FGF13: variants seen among roughly 807,000 people sequenced by gnomAD.
The protein encoded by FGF13 is fibroblast growth factor homologous factor 2.
In FGF13, 2 loss-of-function variants were observed where a neutral mutation model predicts 19.5. That is an observed-to-expected ratio of 0.10 (90% confidence interval 0.04 to 0.32). The LOEUF (loss-of-function observed/expected upper bound fraction) is 0.32. Among genes scored for constraint, FGF13 ranks in the 10% least tolerant of loss-of-function variants. The probability of loss-of-function intolerance (pLI) is 1.00; values close to 1 mark genes in which losing one functional copy is unlikely to be tolerated. For synonymous variants in FGF13, 72 were observed against 76.9 expected (o/e 0.94, Z 0.33); for missense variants, 113 against 192.7 (o/e 0.59, Z 2.45).
At chrX:138,953,386 C>A (rs2091824365) in intron 1 of FGF13, among the ~76,000 whole-genome samples, 1 of 109,761 alleles carries the variant, frequency 9.1e-6, no homozygotes, top group Non-Finnish European at 1.9e-5. Context: ...AATGAGAACA[C>A]TTGGACACAG....
intron 2 of FGF13, among the ~76,000 whole-genome samples, chrX:138,703,553 T>G (rs1044033416): frequency 1.8e-5 from 2 of 112,142 alleles, no homozygotes; most frequent in African/African-American, 6.5e-5. Context: ...CACAGTCATA[T>G]TTAAAATCTA....
chrX:138,750,065 G>C (rs1314633957), intron 3 of FGF13, among the ~76,000 whole-genome samples: 1 of 111,491 alleles, frequency 9.0e-6, no homozygotes, highest in African/African-American at 3.3e-5. Flanking sequence ...TAGAGAAAAG[G>C]CAACAGAACA....
At chrX:138,763,148 A>C (rs2090479278) in intron 3 of FGF13, among the ~76,000 whole-genome samples, 1 of 110,851 alleles carries the variant, frequency 9.0e-6, no homozygotes, top group South Asian at 3.7e-4. Context: ...AAGATAATAC[A>C]TAGTTTATAT....
chrX:139,203,103 A>G (rs1267155903), intron 1 of FGF13, among the ~76,000 whole-genome samples: 2 of 112,133 alleles, frequency 1.8e-5, no homozygotes, highest in African/African-American at 6.5e-5. Flanking sequence ...TAGAACCGGC[A>G]AAGGGTGGGG....
At chrX:138,718,925 A>G (rs190880643) in intron 1 of FGF13, among the ~76,000 whole-genome samples, 1 of 112,398 alleles carries the variant, frequency 8.9e-6, no homozygotes, top group East Asian at 2.8e-4. Context: ...TATAACCTTA[A>G]TCCCTTTAAT....
At chrX:138,652,069 G>A (rs1331909457) in intron 3 of FGF13, among the ~76,000 whole-genome samples, 1 of 111,574 alleles carries the variant, frequency 9.0e-6, no homozygotes, top group African/African-American at 3.3e-5. Context: ...CCACTACTAC[G>A]TCTTTGATCT....
chrX:138,992,974 C>A (rs751064666), intron 1 of FGF13, among the ~76,000 whole-genome samples: 2 of 111,979 alleles, frequency 1.8e-5, no homozygotes, highest in African/African-American at 6.5e-5. Context: ...AAATTATGTA[C>A]CTCTTGATAT....
chrX:138,872,351 C>A (rs1446624740), intron 1 of FGF13, among the ~76,000 whole-genome samples: 1 of 111,941 alleles, frequency 8.9e-6, no homozygotes, highest in East Asian at 2.8e-4. Context: ...TGCACTAAAT[C>A]TATCTATGTA....
chrX:139,127,110 C>G (rs912609540), intron 1 of FGF13, among the ~76,000 whole-genome samples: 2 of 111,687 alleles, frequency 1.8e-5, no homozygotes, highest in African/African-American at 6.5e-5. Context: ...AAGCACCATA[C>G]CCAGGTGTTA....
intron 1 of FGF13, among the ~76,000 whole-genome samples, chrX:139,165,256 A>C (rs61129210): frequency 0.066 from 7,436 of 112,182 alleles, 523 homozygotes; most frequent in African/African-American, 0.22. Context: ...AATATCTAAG[A>C]AGCATAGCAT....
rs753541740 is a variant in FGF13 at position 139,129,154 on chromosome X, T to TACAC, written c.-113+74258_-113+74261dup. 7.1e-3 allele frequency among the ~76,000 whole-genome samples: 665 copies of TACAC among 93,026 alleles called. 5 individuals carry two copies. The highest frequency in any genetic ancestry group is 0.012 in the Non-Finnish European group (557 of 47,618). The allele number at this position is 93,026 out of a possible 115,157, so 80.8% of individuals were successfully genotyped here. ...ACACACATACACATACATACACACA[T>TACAC]ACACACACACACACACACACACACA... On this transcript the variant is annotated intron_variant, in intron 1 of 2. Transcript: ENST00000421460.
intron 1 of FGF13, among the ~76,000 whole-genome samples, chrX:139,113,753 G>C (rs886606281): frequency 1.8e-5 from 2 of 111,797 alleles, no homozygotes; most frequent in African/African-American, 6.5e-5. Context: ...AAGAGCACTG[G>C]AGTGGGAGGC....
chrX:139,126,430 G>A (rs182163381), intron 1 of FGF13, among the ~76,000 whole-genome samples: 21 of 111,043 alleles, frequency 1.9e-4, no homozygotes, highest in Non-Finnish European at 4.0e-4. Context: ...ATCAAAGTAC[G>A]AATCACACTG....
In FGF13 at chrX:138,622,301, A is replaced by C. The variant is rs1476617557; in HGVS notation, c.*10549T>G. 8.9e-6 allele frequency: 1 copy of C among 111,825 alleles called. No individual in the cohort carries two copies. Among genetic ancestry groups the C allele is most frequent in the Non-Finnish European group, 1.9e-5 (1 of 53,110 alleles). The allele number at this position is 111,825 out of a possible 1,213,427, so 9.2% of individuals were successfully genotyped here. A position where few individuals can be genotyped will look rare whatever the true frequency, so the allele number is the denominator to read the frequency against. The stretch of plus-strand genomic sequence containing the variant: ...CCCTGGGATAAAAGGATGGCTCAAC[A>C]TACTCAAATCAATAAATATGAACAA... On this transcript the variant is annotated 3_prime_UTR_variant, in exon 5 of 5. Coordinates refer to ENST00000315930, the MANE Select transcript of FGF13 (RefSeq NM_004114.5).
chrX:138,913,671 AGGAAGGAAG>A (rs1467215293), intron 1 of FGF13, among the ~76,000 whole-genome samples: 3 of 102,809 alleles, frequency 2.9e-5, no homozygotes, highest in African/African-American at 1.1e-4. Flanking sequence ...GAAGGAAGGA[AGGAAGGAAG>A]GAAGGAAGGA....
At chrX:138,690,921 C>A (rs2089832624) in intron 3 of FGF13, among the ~76,000 whole-genome samples, 1 of 111,502 alleles carries the variant, frequency 9.0e-6, no homozygotes, top group Non-Finnish European at 1.9e-5. Flanking sequence ...CTTATGTATA[C>A]TATAAATTCC....
At chrX:139,063,596 G>A (rs1357742072) in intron 1 of FGF13, among the ~76,000 whole-genome samples, 5 of 111,092 alleles carry the variant, frequency 4.5e-5, no homozygotes, top group Admixed American at 9.6e-5. Flanking sequence ...TTTATTTTTC[G>A]AAATTTATAG....
chrX:139,157,538 G>A lies in FGF13; in HGVS notation c.-113+45878C>T, dbSNP rs190739682. 3.1e-3 allele frequency among the ~76,000 whole-genome samples: 352 copies of A among 112,267 alleles called. 2 individuals are homozygous for A. Among genetic ancestry groups the A allele is most frequent in the African/African-American group, 0.01 (320 of 30,916 alleles). ...TCTTGTTCTTCCCTTCTTAACATGT[G>A]ATGCCCTTCACCATGTTGTGATGCA... On this transcript the variant is annotated intron_variant, in intron 1 of 2. Coordinates refer to the FGF13 transcript ENST00000421460.
chrX:139,154,031 A>T (rs1474603952), intron 1 of FGF13, among the ~76,000 whole-genome samples: 2 of 111,806 alleles, frequency 1.8e-5, no homozygotes, highest in African/African-American at 6.5e-5. Context: ...TGTTTCAAGG[A>T]ATCAAATTTG....
Sources: gnomAD v4.1 joint callset for allele counts (sites outside exome capture counted in the v4.1 genomes callset) on GRCh38, gnomAD v4.1.1 for gene constraint, MANE v1.5 for transcripts, NCBI Gene and HGNC (gene_info 2026-07-23, HGNC 2026-07-21) for gene names.